EARS2: variants seen among roughly 807,000 people sequenced by gnomAD.
EARS2 encodes nondiscriminating glutamyl-tRNA synthetase EARS2, mitochondrial.
EARS2 carries 50 observed loss-of-function variants against 54.1 expected under a neutral mutation model. The observed-to-expected ratio is 0.92, with a 90% confidence interval of 0.74 to 1.17. The LOEUF (loss-of-function observed/expected upper bound fraction) is 1.17, where lower values mean the gene tolerates loss of function less well. EARS2 is among the 50% of genes most tolerant of loss of function. The pLI is 0.00. For missense variants in EARS2, 673 were observed against 675.0 expected, an observed-to-expected ratio of 1.00 and a Z score of 0.03; for synonymous variants, 298 against 281.0, an observed-to-expected ratio of 1.06 and a Z score of -0.61.
At position 23,521,078 on chromosome 16, in the gene EARS2, C is replaced by T. The variant is rs963638934; in HGVS notation, c.*3293G>A. Among the ~76,000 whole-genome samples the T allele has an allele frequency of 2.0e-5, 3 of 152,146 alleles. No individual in the cohort carries two copies. The highest frequency in any genetic ancestry group is 6.5e-5 in the Admixed American group (1 of 15,276). On this transcript the variant is annotated 3_prime_UTR_variant, in exon 9 of 9. Coordinates refer to ENST00000449606, the MANE Select transcript of EARS2 (RefSeq NM_001083614.2). ...AAATGTTGGGATTCTAGGTGTGAGC[C>T]ACCAGGCCCAGCTCTAATTTAGTAT...
chr16:23,543,240 G>A (rs1965544976), intron 3 of EARS2, among the ~76,000 whole-genome samples: 1 of 151,380 alleles, frequency 6.6e-6, no homozygotes, highest in African/African-American at 2.4e-5. Context: ...GCAACATAGT[G>A]AGATCCCCAT....
At chr16:23,552,471 G>A (rs1965713112) in intron 1 of EARS2, among the ~76,000 whole-genome samples, 167 bp from the exon 2 acceptor site, 1 of 152,156 alleles carries the variant, frequency 6.6e-6, no homozygotes, top group South Asian at 2.1e-4. Context: ...AAGGCCGGGG[G>A]GATCACTTGA....
rs1246417170 is a variant in EARS2 at position 23,521,730 on chromosome 16, A to C, written c.*2641T>G. ...AGCATGAAGTCCTAGAGGTTCATCC[A>C]TGTTGTAGATATACCAGAATCGACT... is the stretch of plus-strand genomic sequence containing the variant. On this transcript the variant is annotated 3_prime_UTR_variant, in exon 9 of 9. Transcript: ENST00000449606. 2.2e-6 allele frequency: 1 copy of C among 452,704 alleles called. No individual in the cohort carries two copies. Among genetic ancestry groups the C allele is most frequent in the African/African-American group, 2.0e-5 (1 of 50,086 alleles). 28.0% of individuals were successfully genotyped at this position (452,704 alleles called of 1,614,324 possible).
Position 23,552,131 on chromosome 16 carries a change from T to C in EARS2, c.295+18A>G. The C allele has an allele frequency of 6.2e-7, 1 of 1,609,590 alleles. No homozygotes were observed. Among genetic ancestry groups the C allele is most frequent in the Non-Finnish European group, 8.5e-7 (1 of 1,176,632 alleles). On this transcript the variant is annotated intron_variant, in intron 2 of 8. Coordinates refer to ENST00000449606, the MANE Select transcript of EARS2 (RefSeq NM_001083614.2). Reference sequence around the variant, plus strand: ...CTGTTCCTTCCCTGCAGAAAGATCCTTTCTCTGCCAGGCTTACCTGCCCAC... The same window carrying C: ...CTGTTCCTTCCCTGCAGAAAGATCCCTTCTCTGCCAGGCTTACCTGCCCAC...
intron 5 of EARS2, 140 bp from the exon 6 acceptor site, chr16:23,530,037 C>T: frequency 9.6e-7 from 1 of 1,036,370 alleles, no homozygotes; most frequent in Non-Finnish European, 1.4e-6. Context: ...AGAAGAATCT[C>T]TTCACGTTTA....
At chr16:23,532,607 TAAGC>T in intron 5 of EARS2, 46 bp downstream of exon 5, 1 of 1,406,786 alleles carries the variant, frequency 7.1e-7, no homozygotes, top group Non-Finnish European at 1.0e-6. Flanking sequence ...GGGATCATCA[TAAGC>T]AAGAAAGCCC....
In EARS2 at chr16:23,522,855, G is replaced by A. The variant is rs1478817808; in HGVS notation, c.*1516C>T. 6.6e-6 allele frequency: 1 copy of A among 152,216 alleles called. No homozygotes were observed. Among genetic ancestry groups the A allele is most frequent in the Non-Finnish European group, 1.5e-5 (1 of 68,032 alleles). The allele number at this position is 152,216 out of a possible 1,614,324, so 9.4% of individuals were successfully genotyped here. A position where few individuals can be genotyped will look rare whatever the true frequency, so the allele number is the denominator to read the frequency against. ...CGAGATCAGCTAGGATTGCGGTCAT[G>A]TGAATGCTTGGCTGGAATTGAAGGA... On this transcript the variant is annotated 3_prime_UTR_variant, in exon 9 of 9. Transcript: ENST00000449606.
chr16:23,557,224 C>A lies in EARS2; in HGVS notation c.120G>T (p.Arg40=). ...GGTTACCTGTGGGGCTGGGAGCGAA[C>A]CGCACTCGCACCGCAACCCCGGCAT... ...GTDAGVAVRV[R]FAPSPTGFLH... is the part of the protein sequence containing the mutation. The change falls in exon 1 of 9, where the codon CGG becomes CGT. Residue 40 remains arginine (R), a synonymous_variant. Coordinates refer to ENST00000449606, the MANE Select transcript of EARS2 (RefSeq NM_001083614.2). 6.6e-7 allele frequency: 1 copy of A among 1,517,984 alleles called. No individual in the cohort carries two copies. The highest frequency in any genetic ancestry group is 1.3e-5 in the South Asian group (1 of 78,532). The allele number at this position is 1,517,984 out of a possible 1,614,324, so 94.0% of individuals were successfully genotyped here. A position where few individuals can be genotyped will look rare whatever the true frequency, so the allele number is the denominator to read the frequency against.
At chr16:23,539,244 T>C (rs1460263720) in intron 3 of EARS2, among the ~76,000 whole-genome samples, 1 of 152,120 alleles carries the variant, frequency 6.6e-6, no homozygotes, top group African/African-American at 2.4e-5. Context: ...AGGCCCAAAG[T>C]AATAGTTTTT....
At chr16:23,553,378 A>G (rs914475373) in intron 1 of EARS2, among the ~76,000 whole-genome samples, 15 of 152,204 alleles carry the variant, frequency 9.9e-5, no homozygotes, top group African/African-American at 3.6e-4. Flanking sequence ...AGGCCATATC[A>G]TGTACATTTA....
At chr16:23,550,875 T>C (rs772398481) in intron 2 of EARS2, 4 of 152,190 alleles carry the variant, frequency 2.6e-5, no homozygotes, top group Non-Finnish European at 5.9e-5. Flanking sequence ...GTATTTTTCC[T>C]TGGGAATCTC....
chr16:23,550,482 G>A (rs1965677303), intron 2 of EARS2, among the ~76,000 whole-genome samples: 1 of 118,852 alleles, frequency 8.4e-6, no homozygotes, highest in Non-Finnish European at 1.6e-5. Context: ...CTGTCACCCA[G>A]GCTGGAGTGC....
At chr16:23,535,689 G>C (rs1382739872) in intron 3 of EARS2, among the ~76,000 whole-genome samples, 2 of 152,210 alleles carry the variant, frequency 1.3e-5, no homozygotes, top group African/African-American at 4.8e-5. Context: ...GTCCAGGCAG[G>C]AATGTAACCC....
At chr16:23,536,107 G>A (rs1468351790) in intron 3 of EARS2, among the ~76,000 whole-genome samples, 1 of 152,140 alleles carries the variant, frequency 6.6e-6, no homozygotes, top group Non-Finnish European at 1.5e-5. Flanking sequence ...TGCCAGAAAT[G>A]CAGACTCTTA....
Position 23,544,716 on chromosome 16 carries a change from G to C in EARS2, c.296-13C>G, listed in dbSNP as rs1555504132. 2 of 1,590,732 alleles carry C rather than the reference G, an allele frequency of 1.3e-6. No homozygotes were observed. Among genetic ancestry groups the C allele is most frequent in the Non-Finnish European group, 1.7e-6 (2 of 1,169,500 alleles). Reference sequence around the variant, plus strand: ...TCAGGCGGGATGCCTGGAACACAGGGAATAATGACAGCTAAGGTGCACACA... The same window carrying C: ...TCAGGCGGGATGCCTGGAACACAGGCAATAATGACAGCTAAGGTGCACACA... On this transcript the variant is annotated splice_polypyrimidine_tract_variant and intron_variant, in intron 2 of 8. Transcript: ENST00000449606.
intron 4 of EARS2, among the ~76,000 whole-genome samples, chr16:23,534,361 A>G (rs899753442): frequency 1.3e-5 from 2 of 152,200 alleles, no homozygotes; most frequent in Non-Finnish European, 2.9e-5. Context: ...TTGCTTCTTC[A>G]AGGTTTGGGT....
At chr16:23,545,522 T>C (rs568436308) in intron 2 of EARS2, among the ~76,000 whole-genome samples, 11 of 152,206 alleles carry the variant, frequency 7.2e-5, no homozygotes, top group African/African-American at 2.2e-4. Context: ...GTGCGGTTAT[T>C]CCCCCACTCT....
At chr16:23,552,011 G>A (rs747047717) in intron 2 of EARS2, 138 bp downstream of exon 2, 120 of 1,047,062 alleles carry the variant, frequency 1.1e-4, no homozygotes, top group Non-Finnish European at 1.5e-4. Flanking sequence ...CTGCCACCCC[G>A]GGCAGGGCAG....
At chr16:23,526,123 T>C (rs1965224625) in intron 7 of EARS2, among the ~76,000 whole-genome samples, 1 of 149,522 alleles carries the variant, frequency 6.7e-6, no homozygotes, top group Admixed American at 6.6e-5. Flanking sequence ...TTTTTTTTTT[T>C]TTTTTTGGAG....
Sources: allele counts gnomAD v4.1 joint callset (sites outside exome capture counted in the v4.1 genomes callset), GRCh38; gene constraint gnomAD v4.1.1; transcripts MANE v1.5; gene names NCBI Gene and HGNC (gene_info 2026-07-23, HGNC 2026-07-21).